The following ABCA13 variants were observed in gnomAD, a reference collection of about 807,000 sequenced individuals.
ABCA13 encodes ATP binding cassette subfamily A member 13, also known as ATP-binding cassette sub-family A member 13.
In ABCA13, 476 loss-of-function variants were observed where a neutral mutation model predicts 478.7. The observed-to-expected ratio is 0.99, with a 90% CI of 0.92 to 1.07. The LOEUF is 1.07. Ranked by LOEUF, ABCA13 falls within the 50% of genes least tolerant of loss-of-function variation. ABCA13 has a pLI of 0.00. For missense variants in ABCA13, 6,060 were observed against 5,910.6 expected (o/e 1.03, Z -0.83); for synonymous variants, 2,252 against 2,158.9 (o/e 1.04, Z -1.20).
At chr7:48,611,242 CTG>C (rs1227446541) in intron 58 of ABCA13, among the ~76,000 whole-genome samples, 1 of 152,158 alleles carries the variant, frequency 6.6e-6, no homozygotes. Context: ...GACTTATTGT[CTG>C]TATCACTATC....
At chr7:48,513,978 T>A (rs1350716958) in intron 51 of ABCA13, among the ~76,000 whole-genome samples, 1 of 152,194 alleles carries the variant, frequency 6.6e-6, no homozygotes, top group Admixed American at 6.5e-5. Flanking sequence ...TCTTAAATAA[T>A]GCTTTGATCC....
chr7:48,295,983 A>C (rs1284936425), intron 21 of ABCA13, 120 bp downstream of exon 21: 5 of 1,184,650 alleles, frequency 4.2e-6, no homozygotes, highest in Middle Eastern at 5.0e-4. Context: ...TAATGTGCAT[A>C]TTAATATATA....
In ABCA13 at chr7:48,372,437, G is replaced by A. The variant is rs769376612; in HGVS notation, c.11073G>A (p.Leu3691=). The change falls in exon 33 of 62, where the codon CTG becomes CTA. Residue 3691 remains leucine (L), a synonymous_variant. Coordinates refer to ENST00000435803, the MANE Select transcript of ABCA13 (RefSeq NM_152701.5). ...GCCTGGTGTACATGATCAGCTTTCT[G>A]CCCTACATAGTTCTATTGGTTCTAC... The part of the protein sequence containing the change: ...CTSLVYMISF[L]PYIVLLVLHN... 16 of 1,612,394 alleles carry A rather than the reference G, an allele frequency of 9.9e-6. No homozygotes were observed. In the South Asian group the frequency reaches 1.8e-4, roughly 18 times the overall value.
intron 54 of ABCA13, among the ~76,000 whole-genome samples, chr7:48,526,943 A>T (rs1169376292): frequency 6.6e-6 from 1 of 152,184 alleles, no homozygotes; most frequent in Non-Finnish European, 1.5e-5. Flanking sequence ...TTTGGAAGTC[A>T]CAGCATCATA....
intron 31 of ABCA13, among the ~76,000 whole-genome samples, chr7:48,357,988 A>G (rs1174333625): frequency 6.6e-6 from 1 of 151,362 alleles, no homozygotes; most frequent in East Asian, 1.9e-4. Context: ...CTCAAAATAC[A>G]AAAATTAGCT....
At chr7:48,293,615 A>T (rs1798897375) in intron 20 of ABCA13, among the ~76,000 whole-genome samples, 1 of 152,224 alleles carries the variant, frequency 6.6e-6, no homozygotes, top group African/African-American at 2.4e-5. Context: ...ATTCATGTGT[A>T]TGTTTATAGA....
At chr7:48,361,310 T>C (rs73323789) in intron 31 of ABCA13, among the ~76,000 whole-genome samples, 3,677 of 151,634 alleles carry the variant, frequency 0.024, 200 homozygotes, top group African/African-American at 0.086. Flanking sequence ...GAAATTAAAG[T>C]CAAAAAATGA....
intron 57 of ABCA13, 74 bp from the exon 58 acceptor site, chr7:48,594,636 G>A (rs778169688): frequency 7.2e-7 from 1 of 1,386,298 alleles, no homozygotes; most frequent in Non-Finnish European, 1.0e-6. Context: ...CTGGGGTCTG[G>A]CCTCCCATGT....
chr7:48,568,653 A>G (rs1234419114), intron 55 of ABCA13, among the ~76,000 whole-genome samples: 1 of 151,894 alleles, frequency 6.6e-6, no homozygotes, highest in Non-Finnish European at 1.5e-5. Context: ...TTTCTCTTCT[A>G]CTTTTTGAAA....
chr7:48,235,237 C>T (rs1176115950), intron 8 of ABCA13, among the ~76,000 whole-genome samples: 2 of 152,162 alleles, frequency 1.3e-5, no homozygotes, highest in Non-Finnish European at 2.9e-5. Flanking sequence ...ATCTACCTAC[C>T]ACAGGACTTG....
intron 3 of ABCA13, among the ~76,000 whole-genome samples, chr7:48,203,144 C>T (rs1799066108): frequency 6.6e-6 from 1 of 152,336 alleles, no homozygotes; most frequent in East Asian, 1.9e-4. Context: ...CCTCCGCAGC[C>T]GCTGGCCCGG....
At chr7:48,558,531 C>T (rs1175979760) in intron 55 of ABCA13, among the ~76,000 whole-genome samples, 1 of 152,092 alleles carries the variant, frequency 6.6e-6, no homozygotes, top group Non-Finnish European at 1.5e-5. Flanking sequence ...CTCCTGACCT[C>T]AGGTGATCTA....
intron 55 of ABCA13, among the ~76,000 whole-genome samples, chr7:48,539,780 T>C (rs1299884255): frequency 2.0e-5 from 3 of 152,210 alleles, no homozygotes; most frequent in Non-Finnish European, 4.4e-5. Context: ...CTATACCACA[T>C]AAAATCCACC....
At chr7:48,228,331 C>G (rs1308329549) in intron 6 of ABCA13, among the ~76,000 whole-genome samples, 3 of 152,136 alleles carry the variant, frequency 2.0e-5, no homozygotes, top group African/African-American at 7.2e-5. Context: ...CACCCTGATT[C>G]CCTCTCACCC....
intron 15 of ABCA13, among the ~76,000 whole-genome samples, chr7:48,265,975 T>G (rs1287120112): frequency 6.6e-6 from 1 of 151,742 alleles, no homozygotes; most frequent in African/African-American, 2.4e-5. Context: ...GGAATAGATG[T>G]CAGATTTGTC....
Position 48,279,048 on chromosome 7 carries a change from AC to A in ABCA13, c.7856del (p.Pro2619LeufsTer7). 4 of 1,613,166 alleles carry A rather than the reference AC, an allele frequency of 2.5e-6. No individual in the cohort carries two copies. Among genetic ancestry groups the A allele is most frequent in the Non-Finnish European group, 3.4e-6 (4 of 1,179,824 alleles). ...SSNSDIFSMS[P>X]SILSYMNQSK... ...CAAACTCTGATATTTTCAGTATGTC[AC>A]CTAGCATACTCTCATATATGAACCA... On this transcript the variant is annotated frameshift_variant, in exon 18 of 62. Coordinates refer to ENST00000435803, the MANE Select transcript of ABCA13 (RefSeq NM_152701.5). LOFTEE classifies it high-confidence loss of function.
At chr7:48,192,123 A>G (rs1046296736) in intron 1 of ABCA13, among the ~76,000 whole-genome samples, 10 of 152,184 alleles carry the variant, frequency 6.6e-5, no homozygotes, top group African/African-American at 2.4e-4. Flanking sequence ...TGATGACAGT[A>G]AAATTAATTT....
At chr7:48,389,850 C>A (rs1815774606) in intron 37 of ABCA13, among the ~76,000 whole-genome samples, 1 of 152,158 alleles carries the variant, frequency 6.6e-6, no homozygotes, top group Non-Finnish European at 1.5e-5. Flanking sequence ...CTCTTTTGAA[C>A]AAATCACTTT....
intron 31 of ABCA13, among the ~76,000 whole-genome samples, chr7:48,353,552 G>A (rs1809395429): frequency 6.6e-6 from 1 of 151,322 alleles, no homozygotes; most frequent in Admixed American, 6.6e-5. Flanking sequence ...ACCCCTGACT[G>A]GGGCAGAGCC....
Sources: gnomAD v4.1 joint callset for allele counts (sites outside exome capture counted in the v4.1 genomes callset) on GRCh38, gnomAD v4.1.1 for gene constraint, MANE v1.5 for transcripts, NCBI Gene and HGNC (gene_info 2026-07-23, HGNC 2026-07-21) for gene names.